NOSIP: variants seen among roughly 807,000 people sequenced by gnomAD.
NOSIP encodes the protein nitric oxide synthase-interacting protein.
A neutral mutation model predicts 36.4 loss-of-function variants in NOSIP; 25 were observed. The ratio of observed to expected loss-of-function variants is 0.69; its 90% CI spans 0.50 to 0.96. NOSIP has a LOEUF of 0.96. Ranked by LOEUF, NOSIP falls within the 40% of genes least tolerant of loss-of-function variation. The pLI is 0.00. For missense variants in NOSIP, 370 were observed against 429.0 expected (o/e 0.86, Z 1.21); for synonymous variants, 187 against 179.2 (o/e 1.04, Z -0.35).
intron 1 of NOSIP, among the ~76,000 whole-genome samples, chr19:49,561,213 T>C (rs1162899602): frequency 6.6e-6 from 1 of 152,100 alleles, no homozygotes; most frequent in African/African-American, 2.4e-5. Context: ...GCCAGTCCAC[T>C]AGCGACTGGA....
At chr19:49,567,982 A>C (rs537960946) in intron 1 of NOSIP, among the ~76,000 whole-genome samples, 1 of 152,094 alleles carries the variant, frequency 6.6e-6, no homozygotes, top group African/African-American at 2.4e-5. Context: ...CCAACCAACA[A>C]GGGACTAATA....
At position 49,557,345 on chromosome 19, in the gene NOSIP, C is replaced by T. The variant is rs1313213728; in HGVS notation, c.259-96G>A. 3 of 1,472,310 alleles carry T rather than the reference C, an allele frequency of 2.0e-6. No homozygotes were observed. In the African/African-American group the frequency reaches 4.2e-5, roughly 21 times the overall value. 91.2% of individuals were successfully genotyped at this position (1,472,310 alleles called of 1,614,324 possible). A position where few individuals can be genotyped will look rare whatever the true frequency, so the allele number is the denominator to read the frequency against. ...GGTAAACTGAGGCCCACAAAGGGGA[C>T]CCTCTGATGGAGGCACTATGTGGCA... is the stretch of plus-strand genomic sequence containing the variant. On this transcript the variant is annotated intron_variant, in intron 4 of 8. Coordinates refer to ENST00000596358, the MANE Select transcript of NOSIP (RefSeq NM_001270960.2).
intron 1 of NOSIP, among the ~76,000 whole-genome samples, chr19:49,571,676 A>G (rs759723566): frequency 1.3e-5 from 2 of 152,054 alleles, no homozygotes; most frequent in Non-Finnish European, 2.9e-5. Flanking sequence ...TTCCTAGGAA[A>G]GTCACAATCT....
chr19:49,561,655 G>T (rs974525121), intron 1 of NOSIP, among the ~76,000 whole-genome samples: 1 of 152,136 alleles, frequency 6.6e-6, no homozygotes, highest in Non-Finnish European at 1.5e-5. Context: ...GCTGAGTCAG[G>T]TGGATCACTT....
intron 4 of NOSIP, chr19:49,557,818 C>G: frequency 1.0e-6 from 1 of 987,930 alleles, no homozygotes; most frequent in Non-Finnish European, 1.2e-6. Flanking sequence ...CTGGGCGGTG[C>G]TGCAGTTCCA....
chr19:49,558,746 ATC>A, intron 4 of NOSIP, 149 bp downstream of exon 4: 2 of 716,476 alleles, frequency 2.8e-6, no homozygotes, highest in Admixed American at 4.1e-5. Context: ...CTGGGCTGAA[ATC>A]GGTGAGAAGG....
chr19:49,566,088 C>T (rs942951573), intron 1 of NOSIP, among the ~76,000 whole-genome samples: 1 of 151,212 alleles, frequency 6.6e-6, no homozygotes, highest in Non-Finnish European at 1.5e-5. Context: ...GGCGCAATCT[C>T]GGCTCAGTGC....
At position 49,560,601 on chromosome 19, in the gene NOSIP, C is replaced by G. The variant is rs1042007794; in HGVS notation, c.70+21G>C. 1 of 1,566,776 alleles carries G rather than the reference C, an allele frequency of 6.4e-7. No homozygotes were observed. ...TCCAAGACACAGCCATGTCCCGCCTCTTCCCACCCCAGCCCTGCACCTGTG... is the reference window on the plus strand; with the variant it reads ...TCCAAGACACAGCCATGTCCCGCCTGTTCCCACCCCAGCCCTGCACCTGTG... On this transcript the variant is annotated intron_variant, in intron 2 of 8. Transcript: ENST00000596358. This position sits in a 1 kb window ranked among gnomAD's most constrained non-coding sequence, Gnocchi z 4.6.
rs575368724 is a variant in NOSIP, at chr19:49,574,051, G to A, written c.-2+6464C>T. On this transcript the variant is annotated intron_variant, in intron 1 of 8. Coordinates refer to ENST00000596358, the MANE Select transcript of NOSIP (RefSeq NM_001270960.2). ...CTTTTTTTGTATTTTTAGTAGAGAC[G>A]GGGTTTCACCATGTTGGCCAGGCTG... is the stretch of plus-strand genomic sequence containing the variant. Among the ~76,000 whole-genome samples the A allele has an allele frequency of 1.8e-4, 27 of 151,962 alleles. No homozygotes were observed. In the East Asian group the frequency reaches 3.3e-3, roughly 19 times the overall value.
chr19:49,556,435 G>A lies in NOSIP; in HGVS notation c.726-10C>T. 2 of 1,612,324 alleles carry A rather than the reference G, an allele frequency of 1.2e-6. No individual in the cohort carries two copies. The highest frequency in any genetic ancestry group is 1.7e-6 in the Non-Finnish European group (2 of 1,179,104). ...GGTGACCACAGCCCCACTACGGTGAGGCCGAAGGCGGGAGACTCTGATCAG... is the reference window on the plus strand; with the variant it reads ...GGTGACCACAGCCCCACTACGGTGAAGCCGAAGGCGGGAGACTCTGATCAG... On this transcript the variant is annotated splice_polypyrimidine_tract_variant and intron_variant, in intron 7 of 8. Coordinates refer to ENST00000596358, the MANE Select transcript of NOSIP (RefSeq NM_001270960.2).
rs1446569224 is a variant in NOSIP at position 49,555,579 on chromosome 19, G to C, written c.*172C>G. On this transcript the variant is annotated 3_prime_UTR_variant, in exon 9 of 9. Coordinates refer to ENST00000596358, the MANE Select transcript of NOSIP (RefSeq NM_001270960.2). ...TGGCCAGATTTTGTTCTTAATGTGA[G>C]ACCACATTCAATATGCTTAGCCCGC... 8.7e-6 allele frequency: 5 copies of C among 577,276 alleles called. No individual in the cohort carries two copies. Among genetic ancestry groups the C allele is most frequent in the Non-Finnish European group, 1.6e-5 (5 of 318,028 alleles). The allele number at this position is 577,276 out of a possible 1,614,324, so 35.8% of individuals were successfully genotyped here. A position where few individuals can be genotyped will look rare whatever the true frequency, so the allele number is the denominator to read the frequency against.
chr19:49,556,517 T>C (rs1428866534), intron 7 of NOSIP, 32 bp downstream of exon 7: 16 of 1,605,738 alleles, frequency 1.0e-5, no homozygotes, highest in Non-Finnish European at 1.4e-5. Flanking sequence ...GGTTCCCGAG[T>C]GGTCCCTTCC....
At chr19:49,557,505 C>T (rs894339539) in intron 4 of NOSIP, 5 of 1,308,120 alleles carry the variant, frequency 3.8e-6, no homozygotes, top group Non-Finnish European at 4.9e-6. Context: ...TCAGTTTCTT[C>T]ATCTGTAAAA....
At position 49,555,805 on chromosome 19, in the gene NOSIP, C is replaced by T. The variant is rs149091874; in HGVS notation, c.852G>A (p.Ala284=). The T allele has an allele frequency of 3.3e-5, 54 of 1,613,204 alleles. No individual in the cohort carries two copies. Among genetic ancestry groups the T allele is most frequent in the Non-Finnish European group, 4.2e-5 (50 of 1,179,806 alleles). ...IVLQRGGTGF[A]GSGVKLQAEK... is the part of the protein sequence containing the mutation. ...CCGCTTGCAGCTTCACTCCGGAGCC[C>T]GCGAAGCCGGTACCGCCCTGGGGGA... Residue 284 remains alanine (A), a synonymous_variant, in exon 9 of 9, where the codon GCG becomes GCA. Transcript: ENST00000596358.
At chr19:49,575,743 A>G (rs1795536990) in intron 1 of NOSIP, among the ~76,000 whole-genome samples, 1 of 152,200 alleles carries the variant, frequency 6.6e-6, no homozygotes, top group Non-Finnish European at 1.5e-5. Context: ...GCTGTGTTCC[A>G]ATAAAACTTT....
chr19:49,557,901 A>G (rs2080276396), intron 4 of NOSIP: 2 of 987,596 alleles, frequency 2.0e-6, no homozygotes, highest in Admixed American at 6.1e-5. Flanking sequence ...GGCCTCCGAC[A>G]TGACCACCAG....
At position 49,556,548 on chromosome 19, in the gene NOSIP, C is replaced by G. The variant is rs751378014; in HGVS notation, c.725+1G>C. On this transcript the variant is annotated splice_donor_variant, in intron 7 of 8. Coordinates refer to ENST00000596358, the MANE Select transcript of NOSIP (RefSeq NM_001270960.2). LOFTEE classifies it high-confidence loss of function. ...CTTCCCTCCCCTCCCAGGTGACTCA[C>G]GAGGGCCGCAGCACAGCGCAGGGGG... The G allele has an allele frequency of 6.2e-7, 1 of 1,603,430 alleles. No homozygotes were observed. The highest frequency in any genetic ancestry group is 1.7e-5 in the Admixed American group (1 of 59,902).
chr19:49,572,406 C>CTTTT lies in NOSIP; in HGVS notation c.-2+8105_-2+8108dup, dbSNP rs35209614. Among the ~76,000 whole-genome samples, 47 of 97,938 alleles carry CTTTT rather than the reference C, an allele frequency of 4.8e-4. 1 individual carries two copies. The highest frequency in any genetic ancestry group is 7.3e-4 in the Non-Finnish European group (38 of 51,808). The allele number at this position is 97,938 out of a possible 152,430, so 64.3% of individuals were successfully genotyped here. On this transcript the variant is annotated intron_variant, in intron 1 of 8. Coordinates refer to ENST00000596358, the MANE Select transcript of NOSIP (RefSeq NM_001270960.2). Reference sequence around the variant, plus strand: ...ACAAGCATGAGTCACTGCACCCAGCCTTTTTTTTTTTTTTTTTTTTTTGAG... The same window carrying CTTTT: ...ACAAGCATGAGTCACTGCACCCAGCCTTTTTTTTTTTTTTTTTTTTTTTTTTGAG...
intron 1 of NOSIP, among the ~76,000 whole-genome samples, chr19:49,575,891 G>T (rs1219310337): frequency 6.6e-6 from 1 of 152,206 alleles, no homozygotes; most frequent in Non-Finnish European, 1.5e-5. Context: ...CAGCACTTTG[G>T]GAGGCCAAGG....
Sources: gnomAD v4.1 joint callset for allele counts (sites outside exome capture counted in the v4.1 genomes callset) on GRCh38, gnomAD v4.1.1 for gene constraint, Gnocchi (gnomAD v3.1) non-coding constraint, MANE v1.5 for transcripts, NCBI Gene and HGNC (gene_info 2026-07-23, HGNC 2026-07-21) for gene names.